The following CCDC102B variants were observed in gnomAD, a reference collection of about 807,000 sequenced individuals.
CCDC102B encodes the protein coiled-coil domain containing 102B, also known as coiled-coil domain-containing protein 102B.
CCDC102B carries 75 observed loss-of-function variants against 57.4 expected under a neutral mutation model. The ratio of observed to expected loss-of-function variants is 1.31; its 90% CI spans 1.08 to 1.58. The LOEUF is 1.58. Among genes scored for constraint, CCDC102B ranks in the 40% most tolerant of loss-of-function variants. CCDC102B has a pLI of 0.00. For synonymous variants in CCDC102B, 206 were observed against 201.9 expected (o/e 1.02, Z -0.17); for missense variants, 636 against 582.6 (o/e 1.09, Z -0.94).
At position 68,853,672 on chromosome 18, in the gene CCDC102B, T is replaced by TAAAAAAAAAAAA. The variant is rs71175201; in HGVS notation, c.936+7270_936+7281dup. On this transcript the variant is annotated intron_variant, in intron 4 of 7. Coordinates refer to ENST00000360242, the MANE Select transcript of CCDC102B (RefSeq NM_024781.3). Reference sequence around the variant, plus strand: ...CGAATTTTTCTTTATCCCCAAATTGTAAAAAAAAAAAAAAAAAAAAAAAAA... The same window carrying TAAAAAAAAAAAA: ...CGAATTTTTCTTTATCCCCAAATTGTAAAAAAAAAAAAAAAAAAAAAAAAAAAAAAAAAAAAA... Among the ~76,000 whole-genome samples, 152 of 94,642 alleles carry TAAAAAAAAAAAA rather than the reference T, an allele frequency of 1.6e-3. 22 individuals carry two copies. The highest frequency in any genetic ancestry group is 0.013 in the Middle Eastern group (2 of 158). The allele number at this position is 94,642 out of a possible 152,430, so 62.1% of individuals were successfully genotyped here. A position where few individuals can be genotyped will look rare whatever the true frequency, so the allele number is the denominator to read the frequency against.
chr18:69,028,719 T>C (rs560339708), intron 7 of CCDC102B, among the ~76,000 whole-genome samples: 8 of 152,146 alleles, frequency 5.3e-5, no homozygotes, highest in Non-Finnish European at 8.8e-5. Flanking sequence ...GGTTGTCTTA[T>C]ATAAAGTAGA....
chr18:68,793,400 A>G (rs189015319), upstream of CCDC102B, among the ~76,000 whole-genome samples: 1 of 152,336 alleles, frequency 6.6e-6, no homozygotes, highest in South Asian at 2.1e-4. Context: ...TGACAGGCAT[A>G]TATGTATCTA....
intron 6 of CCDC102B, among the ~76,000 whole-genome samples, chr18:68,925,877 A>T (rs1436597910): frequency 6.6e-6 from 1 of 151,992 alleles, no homozygotes; most frequent in Admixed American, 6.6e-5. Context: ...TATTTTGAGG[A>T]GTATATTATC....
rs2037424007 is a variant in CCDC102B at position 68,837,267 on chromosome 18, T to C, written c.504T>C (p.Cys168=). 1 of 1,614,118 alleles carries C rather than the reference T, an allele frequency of 6.2e-7. No homozygotes were observed. The highest frequency in any genetic ancestry group is 2.2e-5 in the East Asian group (1 of 44,872). The change falls in exon 2 of 8, where the codon TGT becomes TGC. Residue 168 remains cysteine, a synonymous_variant. Coordinates refer to ENST00000360242, the MANE Select transcript of CCDC102B (RefSeq NM_024781.3). The stretch of plus-strand genomic sequence containing the variant: ...TTCCTGGCTTCGTAGAAGAATCCTG[T>C]GAACATACAGACCAATTTCAATTGA... ...LKLPGFVEES[C]EHTDQFQLSS...
intron 2 of CCDC102B, among the ~76,000 whole-genome samples, chr18:68,726,609 T>C (rs1002667975): frequency 2.6e-5 from 4 of 152,206 alleles, no homozygotes; most frequent in Non-Finnish European, 4.4e-5. Context: ...ACCTGGCTAA[T>C]TTTTTTGCAA....
chr18:69,053,978 T>G, intron 7 of CCDC102B, 52 bp from the exon 8 acceptor site: 1 of 1,372,468 alleles, frequency 7.3e-7, no homozygotes, highest in Non-Finnish European at 1.0e-6. Flanking sequence ...GCCACCATGA[T>G]GTACTATAGA....
chr18:69,033,736 T>C (rs2052210621), intron 7 of CCDC102B, among the ~76,000 whole-genome samples: 1 of 152,034 alleles, frequency 6.6e-6, no homozygotes, highest in Admixed American at 6.6e-5. Flanking sequence ...TGAAATCATA[T>C]GGTAACTCTA....
intron 1 of CCDC102B, among the ~76,000 whole-genome samples, chr18:68,822,284 C>T (rs2036720018): frequency 6.6e-6 from 1 of 151,946 alleles, no homozygotes; most frequent in Non-Finnish European, 1.5e-5. Flanking sequence ...GTCCCAGGTA[C>T]TCAGGATGCT....
intron 5 of CCDC102B, among the ~76,000 whole-genome samples, chr18:68,885,638 T>C (rs996979694): frequency 6.6e-6 from 1 of 152,068 alleles, no homozygotes; most frequent in East Asian, 1.9e-4. Context: ...CTTAGAATTG[T>C]ACACATACTC....
chr18:68,989,754 T>C lies in CCDC102B; in HGVS notation c.1264-21180T>C, dbSNP rs143033490. ...GAGAGGAAAGCGGAAAAATAAGTCT[T>C]GTGGACTGGTGCTACTGTTTCGGTC... On this transcript the variant is annotated intron_variant, in intron 6 of 7. Transcript: ENST00000360242. Among the ~76,000 whole-genome samples the C allele has an allele frequency of 3.0e-3, 454 of 152,306 alleles. 2 individuals are homozygous for C. Among genetic ancestry groups the C allele is most frequent in the Non-Finnish European group, 3.7e-3 (253 of 68,024 alleles).
intron 3 of CCDC102B, among the ~76,000 whole-genome samples, chr18:68,841,502 G>A (rs2037628624): frequency 6.6e-6 from 1 of 152,292 alleles, no homozygotes; most frequent in Admixed American, 6.5e-5. Flanking sequence ...GGCCAGGAAA[G>A]CTGATCCTCT....
intron 6 of CCDC102B, among the ~76,000 whole-genome samples, chr18:68,967,906 A>G (rs1211518897): frequency 1.3e-5 from 2 of 152,158 alleles, no homozygotes; most frequent in African/African-American, 4.8e-5. Context: ...TGAAAATGAG[A>G]TATTAGCCTA....
At chr18:68,719,244 T>C (rs1053766712) in intron 2 of CCDC102B, among the ~76,000 whole-genome samples, 3 of 152,234 alleles carry the variant, frequency 2.0e-5, no homozygotes, top group Non-Finnish European at 4.4e-5. Context: ...TTAATCTGTA[T>C]CAGGATTCTC....
intron 6 of CCDC102B, among the ~76,000 whole-genome samples, chr18:68,988,722 C>T (rs1201409595): frequency 1.3e-5 from 2 of 152,152 alleles, no homozygotes; most frequent in African/African-American, 4.8e-5. Flanking sequence ...TGCCACTACT[C>T]ACTAACATAT....
At chr18:68,777,203 T>C (rs1294946438) in intron 2 of CCDC102B, among the ~76,000 whole-genome samples, 1 of 152,224 alleles carries the variant, frequency 6.6e-6, no homozygotes, top group Non-Finnish European at 1.5e-5. Context: ...ATTTCTCCCT[T>C]CAACACTCAA....
intron 7 of CCDC102B, among the ~76,000 whole-genome samples, chr18:69,019,315 C>G (rs1287861003): frequency 6.6e-6 from 1 of 151,982 alleles, no homozygotes; most frequent in Non-Finnish European, 1.5e-5. Flanking sequence ...GATATTTAAA[C>G]AATATTAATT....
chr18:68,846,356 G>A lies in CCDC102B; in HGVS notation c.871G>A (p.Ala291Thr). 1.3e-6 allele frequency: 2 copies of A among 1,584,930 alleles called. No homozygotes were observed. Among genetic ancestry groups the A allele is most frequent in the Non-Finnish European group, 1.7e-6 (2 of 1,167,672 alleles). ...LEKEIERLES[A>T]LSLWKWKYEE... ...AAAAGAAATAGAGAGACTGGAGTCG[G>A]CTTTGTCTCTGTGGAAGTGGAAGTA... is the stretch of plus-strand genomic sequence containing the variant. Residue 291 changes from alanine (A) to threonine (T), a missense_variant, in exon 4 of 8, where the codon GCT (alanine) becomes ACT (threonine). Physicochemically the swap from Ala to Thr is moderately conservative, Grantham distance 58. Transcript: ENST00000360242.
Position 68,970,912 on chromosome 18 carries a change from A to G in CCDC102B, c.1264-40022A>G, listed in dbSNP as rs9945864. On this transcript the variant is annotated intron_variant, in intron 6 of 7. Transcript: ENST00000360242. ...AGCATGAGTTTCATAATTTGACTCA[A>G]TGGATAAGTTAAATGTGATTTTATT... Among the ~76,000 whole-genome samples, 674 of 152,098 alleles carry G rather than the reference A, an allele frequency of 4.4e-3. 4 individuals carry two copies. Among genetic ancestry groups the G allele is most frequent in the African/African-American group, 0.015 (643 of 41,550 alleles).
At chr18:69,044,134 C>T (rs2052500734) in intron 7 of CCDC102B, among the ~76,000 whole-genome samples, 2 of 152,036 alleles carry the variant, frequency 1.3e-5, no homozygotes, top group African/African-American at 4.8e-5. Context: ...AAAAATCTAT[C>T]TCTATAATTG....
Sources: allele counts gnomAD v4.1 joint callset (sites outside exome capture counted in the v4.1 genomes callset), GRCh38; gene constraint gnomAD v4.1.1; transcripts MANE v1.5; gene names NCBI Gene and HGNC (gene_info 2026-07-23, HGNC 2026-07-21).